The following LRRK2 variants were observed in gnomAD, a reference collection of about 807,000 sequenced individuals.
LRRK2 encodes leucine rich repeat kinase 2.
In LRRK2, 203 loss-of-function variants were observed where a neutral mutation model predicts 302.6. The observed-to-expected ratio is 0.67, with a 90% CI of 0.60 to 0.75. LRRK2 has a LOEUF of 0.75. LRRK2 is among the 30% of genes least tolerant of loss of function. LRRK2 has a pLI of 0.00. For missense variants in LRRK2, 2,830 were observed against 2,951.0 expected, an observed-to-expected ratio of 0.96 and a Z score of 0.95; for synonymous variants, 1,066 against 1,031.9, an observed-to-expected ratio of 1.03 and a Z score of -0.63.
intron 45 of LRRK2, among the ~76,000 whole-genome samples, chr12:40,355,481 C>T (rs923349051): frequency 2.1e-5 from 3 of 145,496 alleles, no homozygotes; most frequent in Non-Finnish European, 4.6e-5. Context: ...CCCACAGACA[C>T]TGGGGAATTC....
At chr12:40,311,885 A>C (rs528843630) in intron 31 of LRRK2, among the ~76,000 whole-genome samples, 18 of 152,282 alleles carry the variant, frequency 1.2e-4, no homozygotes, top group African/African-American at 4.1e-4. Flanking sequence ...CTTGTTGGAC[A>C]TGTAATTAGA....
intron 23 of LRRK2, among the ~76,000 whole-genome samples, chr12:40,297,353 G>A (rs931365051): frequency 2.0e-5 from 3 of 152,262 alleles, no homozygotes; most frequent in South Asian, 4.2e-4. Flanking sequence ...ATTTCAAAAT[G>A]ACACCATTAG....
At chr12:40,335,933 G>T (rs1460510728) in intron 40 of LRRK2, among the ~76,000 whole-genome samples, 1 of 151,964 alleles carries the variant, frequency 6.6e-6, no homozygotes, top group Non-Finnish European at 1.5e-5. Context: ...TTTCAGCTCT[G>T]CCACCAAAAT....
chr12:40,365,778 C>A (rs1477774153), intron 49 of LRRK2: 1 of 151,846 alleles, frequency 6.6e-6, no homozygotes, highest in Admixed American at 6.6e-5. Flanking sequence ...ATATTCATTG[C>A]AAGTATATGT....
intron 13 of LRRK2, among the ~76,000 whole-genome samples, chr12:40,260,976 G>A (rs1942747057): frequency 6.6e-6 from 1 of 152,060 alleles, no homozygotes; most frequent in Non-Finnish European, 1.5e-5. Flanking sequence ...TTGTTTCTCT[G>A]TATAAGAGTA....
chr12:40,232,342 C>A lies in LRRK2; in HGVS notation c.306C>A (p.Pro102=). Residue 102 remains proline, a synonymous_variant, in exon 3 of 51, where the codon CCC becomes CCA. Transcript: ENST00000298910. ...CPGTMQSLMG[P]QDVGNDWEVL... is the part of the protein sequence containing the mutation. Reference sequence around the variant, plus strand: ...GTACAATGCAAAGCTTAATGGGACCCCAGGATGTTGGAAATGATTGGGAAG... The same window carrying A: ...GTACAATGCAAAGCTTAATGGGACCACAGGATGTTGGAAATGATTGGGAAG... 1 of 1,613,948 alleles carries A rather than the reference C, an allele frequency of 6.2e-7. No individual in the cohort carries two copies. The highest frequency in any genetic ancestry group is 8.5e-7 in the Non-Finnish European group (1 of 1,179,960).
At chr12:40,360,567 A>G (rs1016490073) in intron 47 of LRRK2, among the ~76,000 whole-genome samples, 1 of 152,082 alleles carries the variant, frequency 6.6e-6, no homozygotes, top group Non-Finnish European at 1.5e-5. Flanking sequence ...TCTCTTCAAC[A>G]TATTTTCAGC....
rs1946004572 is a variant in LRRK2 at position 40,340,405 on chromosome 12, T to C, written c.6060T>C (p.Ile2020=). Residue 2020 remains isoleucine (I), a synonymous_variant, in exon 41 of 51, where the codon ATT becomes ATC. Transcript: ENST00000298910. ...AIIAKIADYG[I]AQYCCRMGIK... ...TTGCAAAGATTGCTGACTACGGCAT[T>C]GCTCAGTACTGCTGTAGAATGGGGA... is the stretch of plus-strand genomic sequence containing the variant. The C allele has an allele frequency of 6.2e-7, 1 of 1,613,918 alleles. No individual in the cohort carries two copies. Among genetic ancestry groups the C allele is most frequent in the Non-Finnish European group, 8.5e-7 (1 of 1,179,854 alleles).
chr12:40,356,770 G>T (rs1016073360), intron 46 of LRRK2, among the ~76,000 whole-genome samples: 10 of 152,136 alleles, frequency 6.6e-5, no homozygotes, highest in Non-Finnish European at 1.0e-4. Context: ...ATGGGAAAAA[G>T]AATAGATTGA....
At position 40,238,103 on chromosome 12, in the gene LRRK2, G is replaced by C; in HGVS notation, c.571G>C (p.Val191Leu). The change falls in exon 5 of 51, where the codon GTC becomes CTC. Residue 191 changes from valine to leucine, a missense_variant and splice_region_variant. Physicochemically the swap from Val to Leu is conservative, Grantham distance 32. Coordinates refer to ENST00000298910, the MANE Select transcript of LRRK2 (RefSeq NM_198578.4). ...AGCTTTACATGTGCTGTTTGAGAGA[G>C]GTATTTTAAAATGTCAAATTCCTTA... Reference protein sequence around the residue: ...CKALHVLFERVSEEQLTEFVE... With the variant: ...CKALHVLFERLSEEQLTEFVE... 1 of 1,612,888 alleles carries C rather than the reference G, an allele frequency of 6.2e-7. No homozygotes were observed. Among genetic ancestry groups the C allele is most frequent in the Non-Finnish European group, 8.5e-7 (1 of 1,179,516 alleles).
At chr12:40,317,447 A>C (rs1945260677) in intron 33 of LRRK2, among the ~76,000 whole-genome samples, 1 of 152,122 alleles carries the variant, frequency 6.6e-6, no homozygotes, top group Non-Finnish European at 1.5e-5. Flanking sequence ...TCATGAATCA[A>C]GGCAAGGGCC....
At position 40,308,474 on chromosome 12, in the gene LRRK2, C is replaced by T; in HGVS notation, c.3967C>T (p.Gln1323Ter). 6.2e-7 allele frequency: 1 copy of T among 1,612,926 alleles called. No individual in the cohort carries two copies. The change falls in exon 29 of 51, where the codon CAA (glutamine) becomes TAA (stop). Residue 1323 changes from glutamine (Q) to a stop codon, truncating the protein, a stop_gained. Coordinates refer to ENST00000298910, the MANE Select transcript of LRRK2 (RefSeq NM_198578.4). LOFTEE classifies it high-confidence loss of function. ...TTATCTTTCAAATACTAGGTTTCTTCAACAGCGATTAAAAAAGGCTGTGCC... is the reference window on the plus strand; with the variant it reads ...TTATCTTTCAAATACTAGGTTTCTTTAACAGCGATTAAAAAAGGCTGTGCC... ...CKAKDIIRFL[Q>*]QRLKKAVPYN...
intron 18 of LRRK2, among the ~76,000 whole-genome samples, chr12:40,280,144 T>C (rs1943625360): frequency 1.3e-5 from 2 of 152,116 alleles, no homozygotes; most frequent in Admixed American, 1.3e-4. Flanking sequence ...AAAAGTATAG[T>C]GAAGTCTGAA....
At chr12:40,359,581 C>G (rs1375149355) in intron 47 of LRRK2, 137 bp downstream of exon 47, 3 of 846,780 alleles carry the variant, frequency 3.5e-6, no homozygotes, top group African/African-American at 3.5e-5. Flanking sequence ...TAAAATTAAA[C>G]TTTCATTATA....
intron 21 of LRRK2, 104 bp downstream of exon 21, chr12:40,293,767 C>A (rs1944255984): frequency 2.6e-6 from 2 of 761,698 alleles, no homozygotes; most frequent in African/African-American, 1.7e-5. Context: ...AGGGATTTCC[C>A]TGATGTATGA....
At position 40,310,626 on chromosome 12, in the gene LRRK2, A is replaced by G. The variant is rs1323750075; in HGVS notation, c.4513A>G (p.Ile1505Val). ...TTTGGCAAAACTTCGGAAAACCATC[A>G]TAAACGAGAGCCTTAATTTCAAGGT... ...DALAKLRKTI[I>V]NESLNFKIRD... Residue 1505 changes from isoleucine to valine, a missense_variant, in exon 31 of 51, where the codon ATA (isoleucine) becomes GTA (valine). Ile to Val is a conservative substitution (Grantham distance 29, BLOSUM62 3). Coordinates refer to ENST00000298910, the MANE Select transcript of LRRK2 (RefSeq NM_198578.4). The G allele has an allele frequency of 1.2e-6, 2 of 1,613,094 alleles. No individual in the cohort carries two copies. The highest frequency in any genetic ancestry group is 2.7e-5 in the African/African-American group (2 of 74,642).
intron 14 of LRRK2, among the ~76,000 whole-genome samples, chr12:40,271,057 G>A: frequency 6.6e-6 from 1 of 151,998 alleles, no homozygotes; most frequent in Non-Finnish European, 1.5e-5. Context: ...GATTACAAAT[G>A]TGAGCCACCG....
chr12:40,363,450 A>G lies in LRRK2; in HGVS notation c.7077A>G (p.Val2359=). ...FSDSNIITVV[V]DTALYIAKQN... Reference sequence around the variant, plus strand: ...ATTCCAACATCATAACAGTGGTGGTAGACACTGCTCTCTATATTGCTAAGC... The same window carrying G: ...ATTCCAACATCATAACAGTGGTGGTGGACACTGCTCTCTATATTGCTAAGC... Residue 2359 remains valine, a synonymous_variant, in exon 48 of 51, where the codon GTA becomes GTG. Transcript: ENST00000298910. The G allele has an allele frequency of 6.2e-7, 1 of 1,612,066 alleles. No homozygotes were observed. Among genetic ancestry groups the G allele is most frequent in the Non-Finnish European group, 8.5e-7 (1 of 1,178,678 alleles).
chr12:40,324,387 C>T (rs956495960), intron 38 of LRRK2, among the ~76,000 whole-genome samples: 1 of 152,130 alleles, frequency 6.6e-6, no homozygotes, highest in African/African-American at 2.4e-5. Context: ...AATCTACTCT[C>T]ATAGCAATTT....
Sources: gnomAD v4.1 joint callset for allele counts (sites outside exome capture counted in the v4.1 genomes callset) on GRCh38, gnomAD v4.1.1 for gene constraint, MANE v1.5 for transcripts, NCBI Gene and HGNC (gene_info 2026-07-23, HGNC 2026-07-21) for gene names.